The following ADCY3 variants were observed in gnomAD, a reference collection of about 807,000 sequenced individuals.
The protein encoded by ADCY3 is adenylate cyclase 3, also known as adenylate cyclase type 3.
Under a neutral mutation model 119.4 loss-of-function variants are expected in ADCY3, and 70 were observed. The ratio of observed to expected loss-of-function variants is 0.59; its 90% CI spans 0.48 to 0.72. The LOEUF is 0.72. ADCY3 is among the 30% of genes least tolerant of loss of function. The pLI is 0.00. For missense variants in ADCY3, 1,238 were observed against 1,541.6 expected, an observed-to-expected ratio of 0.80 and a Z score of 3.30; for synonymous variants, 672 against 621.4, an observed-to-expected ratio of 1.08 and a Z score of -1.21.
rs1670062956 is a variant in ADCY3, at chr2:24,834,740, C to CT, written c.1805+53dup. The CT allele has an allele frequency of 1.2e-6, 2 of 1,601,500 alleles. No individual in the cohort carries two copies. The highest frequency in any genetic ancestry group is 1.3e-5 in the African/African-American group (1 of 74,770). ...TTGGGATGCTCAGTTTCCTGAATCCCTTGTCAGGGCCCGGGAGGAGTGGTG... is the reference window on the plus strand; with the variant it reads ...TTGGGATGCTCAGTTTCCTGAATCCCTTTGTCAGGGCCCGGGAGGAGTGGTG... On this transcript the variant is annotated intron_variant, in intron 10 of 21. Coordinates refer to ENST00000679454, the MANE Select transcript of ADCY3 (RefSeq NM_004036.5). This position sits in a 1 kb window ranked among gnomAD's most constrained non-coding sequence, Gnocchi z 4.2.
At chr2:24,869,854 AG>A (rs994143381) in intron 3 of ADCY3, among the ~76,000 whole-genome samples, 10 of 152,338 alleles carry the variant, frequency 6.6e-5, no homozygotes, top group Admixed American at 2.0e-4. Context: ...GCACATGGAA[AG>A]GAAGGAAAAT....
Position 24,839,952 on chromosome 2 carries a change from C to G in ADCY3, c.1276G>C (p.Gly426Arg). ...HTGTVLGGVLGQKRWQYDVWS... is the reference protein window; with the variant it reads ...HTGTVLGGVLRQKRWQYDVWS... ...ACGTCGTACTGCCAGCGCTTCTGGC[C>G]CAGGACGCCCCCCAGCACGGTGCCC... Residue 426 changes from glycine (G) to arginine (R), a missense_variant, in exon 7 of 22, where the codon GGC (glycine) becomes CGC (arginine). Physicochemically the swap from Gly to Arg is moderately radical, Grantham distance 125 (BLOSUM62 -2). Around this residue, in one of 7 missense-constraint regions of ADCY3, gnomAD observed 283 missense variants for 437.2 expected, o/e 0.65. Coordinates refer to ENST00000679454, the MANE Select transcript of ADCY3 (RefSeq NM_004036.5). 1 of 1,613,866 alleles carries G rather than the reference C, an allele frequency of 6.2e-7. No homozygotes were observed. The highest frequency in any genetic ancestry group is 8.5e-7 in the Non-Finnish European group (1 of 1,180,022).
At chr2:24,862,851 A>G (rs906368547) in intron 3 of ADCY3, among the ~76,000 whole-genome samples, 16 of 152,288 alleles carry the variant, frequency 1.1e-4, no homozygotes, top group African/African-American at 2.6e-4. Flanking sequence ...CTACTTTTCT[A>G]TATCTTCAAA....
At chr2:24,863,548 C>T (rs1673935657) in intron 3 of ADCY3, among the ~76,000 whole-genome samples, 1 of 152,170 alleles carries the variant, frequency 6.6e-6, no homozygotes, top group African/African-American at 2.4e-5. Context: ...CCTAATACAG[C>T]CTCTATCAGT....
Position 24,834,426 on chromosome 2 carries a change from C to T in ADCY3, c.1967+59G>A. The T allele has an allele frequency of 2.8e-6, 3 of 1,055,274 alleles. No individual in the cohort carries two copies. Among genetic ancestry groups the T allele is most frequent in the African/African-American group, 1.7e-5 (1 of 58,712 alleles). The allele number at this position is 1,055,274 out of a possible 1,614,324, so 65.4% of individuals were successfully genotyped here. A position where few individuals can be genotyped will look rare whatever the true frequency, so the allele number is the denominator to read the frequency against. On this transcript the variant is annotated intron_variant, in intron 11 of 21. Coordinates refer to ENST00000679454, the MANE Select transcript of ADCY3 (RefSeq NM_004036.5). This position sits in a 1 kb window ranked among gnomAD's most constrained non-coding sequence, Gnocchi z 4.2. ...TCCCGCTGAGACACCTGCCCCCGCC[C>T]CCCGCCCGGCACCACCGCAGCCGAG...
Position 24,901,507 on chromosome 2 carries a change from G to A in ADCY3, c.675+16806C>T, listed in dbSNP as rs146044899. Reference sequence around the variant, plus strand: ...GAAATTGCTGTTGAATTCAAGGTAGGCAAGACAGTAACAATTTGGCCAAAA... The same window carrying A: ...GAAATTGCTGTTGAATTCAAGGTAGACAAGACAGTAACAATTTGGCCAAAA... On this transcript the variant is annotated intron_variant, in intron 2 of 21. Coordinates refer to ENST00000679454, the MANE Select transcript of ADCY3 (RefSeq NM_004036.5). 5.2e-4 allele frequency among the ~76,000 whole-genome samples: 79 copies of A among 152,288 alleles called. No individual in the cohort carries two copies. The East Asian group carries it at 0.011, about 21-fold the overall frequency.
rs1037666380 is a variant in ADCY3, at chr2:24,827,557, A to G, written c.2484T>C (p.Asn828=). ...GCCGTGGCCCTTACCTGTCAGTGCC[A>G]TTGAGCCCAGGGTTGAATCCTTGCA... The part of the protein sequence containing the change: ...EQMQGFNPGL[N]GTDRLPLVPS... Residue 828 remains asparagine (N), a synonymous_variant, in exon 15 of 22, where the codon AAT becomes AAC. Coordinates refer to ENST00000679454, the MANE Select transcript of ADCY3 (RefSeq NM_004036.5). The G allele has an allele frequency of 3.5e-5, 56 of 1,587,644 alleles. No individual in the cohort carries two copies. The highest frequency in any genetic ancestry group is 4.2e-5 in the Non-Finnish European group (49 of 1,164,050).
At chr2:24,875,860 T>C (rs1455586296) in intron 2 of ADCY3, among the ~76,000 whole-genome samples, 1 of 152,192 alleles carries the variant, frequency 6.6e-6, no homozygotes, top group Non-Finnish European at 1.5e-5. Flanking sequence ...AACTAGAGGG[T>C]GAGATCTCCT....
chr2:24,846,875 G>T (rs1409856444), intron 3 of ADCY3, among the ~76,000 whole-genome samples: 2 of 152,180 alleles, frequency 1.3e-5, no homozygotes, highest in African/African-American at 2.4e-5. Context: ...CATCATGTCT[G>T]GCCGCTTGCT....
rs1206199288 is a variant in ADCY3 at position 24,820,813 on chromosome 2, C to T, written c.3163G>A (p.Gly1055Arg). 2.5e-6 allele frequency: 4 copies of T among 1,614,044 alleles called. No homozygotes were observed. The highest frequency in any genetic ancestry group is 1.1e-5 in the South Asian group (1 of 91,074). ...NKGGVLAGVI[G>R]ARKPHYDIWG... ...ATGTCGTAGTGTGGTTTCCGGGCTC[C>T]GATGACCCCAGCCAGAACCCCGCCT... Residue 1055 changes from glycine to arginine, a missense_variant, in exon 21 of 22, where the codon GGA (glycine) becomes AGA (arginine). Coordinates refer to ENST00000679454, the MANE Select transcript of ADCY3 (RefSeq NM_004036.5).
chr2:24,830,991 G>C (rs1669413793), intron 12 of ADCY3, among the ~76,000 whole-genome samples, 166 bp from the exon 13 acceptor site: 1 of 152,190 alleles, frequency 6.6e-6, no homozygotes, highest in South Asian at 2.1e-4. Context: ...GCTGAGAAGA[G>C]GGCGTGGGAG....
chr2:24,821,143 A>AC (rs549700415), intron 20 of ADCY3: 4 of 434,372 alleles, frequency 9.2e-6, no homozygotes, highest in African/African-American at 2.0e-5. Context: ...CAGGAATGAT[A>AC]CCCCCTCAGT....
rs1667699442 is a variant in ADCY3 at position 24,821,464 on chromosome 2, C to A, written c.3127+53G>T. On this transcript the variant is annotated intron_variant, in intron 20 of 21. Transcript: ENST00000679454. Reference sequence around the variant, plus strand: ...ATGTCTCTCCTGGTGGTGGGCCAGGCCCCTGCATGGGAAGGGAGCCTGCTG... The same window carrying A: ...ATGTCTCTCCTGGTGGTGGGCCAGGACCCTGCATGGGAAGGGAGCCTGCTG... 2.5e-5 allele frequency: 40 copies of A among 1,601,868 alleles called. 1 individual carries two copies. The South Asian group carries it at 4.0e-4, about 16-fold the overall frequency.
chr2:24,828,059 C>T lies in ADCY3; in HGVS notation c.2275G>A (p.Val759Met), dbSNP rs754839662. ...ATGATGGTGGCGATGAGGGACAGCACGGCCACATAGTTGTAATACTTGGGG... is the reference window on the plus strand; with the variant it reads ...ATGATGGTGGCGATGAGGGACAGCATGGCCACATAGTTGTAATACTTGGGG... ...ENPKYYNYVA[V>M]LSLIATIMLV... Residue 759 changes from valine to methionine, a missense_variant, in exon 14 of 22, where the codon GTG becomes ATG. Physicochemically the swap from Val to Met is conservative, Grantham distance 21 (BLOSUM62 1). Around this residue, in one of 7 missense-constraint regions of ADCY3, gnomAD observed 499 missense variants for 571.0 expected, o/e 0.87. Coordinates refer to ENST00000679454, the MANE Select transcript of ADCY3 (RefSeq NM_004036.5). 1.5e-5 allele frequency: 24 copies of T among 1,614,108 alleles called. No homozygotes were observed. The highest frequency in any genetic ancestry group is 1.6e-4 in the Middle Eastern group (1 of 6,082).
At chr2:24,827,780 C>T (rs1558408899) in intron 14 of ADCY3, 122 bp downstream of exon 14, 1 of 1,495,514 alleles carries the variant, frequency 6.7e-7, no homozygotes, top group Non-Finnish European at 9.1e-7. Context: ...GGTTCTTGAA[C>T]AAGCCTTTGA....
intron 2 of ADCY3, among the ~76,000 whole-genome samples, chr2:24,874,689 G>A (rs1339116777): frequency 1.3e-5 from 2 of 152,192 alleles, no homozygotes; most frequent in African/African-American, 4.8e-5. Flanking sequence ...GGAGCTTTGA[G>A]GGGAGCTGAT....
In ADCY3 at chr2:24,838,450, C is replaced by T; in HGVS notation, c.1528G>A (p.Gly510Ser). The T allele has an allele frequency of 1.2e-6, 2 of 1,612,444 alleles. No individual in the cohort carries two copies. The highest frequency in any genetic ancestry group is 1.7e-6 in the Non-Finnish European group (2 of 1,179,890). Residue 510 changes from glycine to serine, a missense_variant, in exon 8 of 22, where the codon GGC becomes AGC. Physicochemically the swap from Gly to Ser is moderately conservative, Grantham distance 56. Transcript: ENST00000679454. ...GGGTGGGGTGGGGAACTCACCGAGC[C>T]ATTGAGGCCATTCTGGGTGGCTGTT... is the stretch of plus-strand genomic sequence containing the variant. ...KKTATQNGLNGSALPNGAPAS... is the reference protein window; with the variant it reads ...KKTATQNGLNSSALPNGAPAS...
chr2:24,880,753 C>T (rs1381614688), intron 2 of ADCY3, among the ~76,000 whole-genome samples: 3 of 152,172 alleles, frequency 2.0e-5, no homozygotes, highest in African/African-American at 4.8e-5. Flanking sequence ...TGGTGGCTCA[C>T]GCCTGTAATC....
In ADCY3 at chr2:24,872,522, C is replaced by T; in HGVS notation, c.825+48G>A. On this transcript the variant is annotated intron_variant, in intron 3 of 21. Coordinates refer to ENST00000679454, the MANE Select transcript of ADCY3 (RefSeq NM_004036.5). The surrounding 1 kb of genome is among the most constrained non-coding windows in gnomAD (Gnocchi z 4.4). The stretch of plus-strand genomic sequence containing the variant: ...GGTTCCTCTCCCTCTGACAAGGCCA[C>T]AGTCCCTGAGCCCAAGCTCCAGGCC... 1 of 1,593,402 alleles carries T rather than the reference C, an allele frequency of 6.3e-7. No individual in the cohort carries two copies. The highest frequency in any genetic ancestry group is 8.6e-7 in the Non-Finnish European group (1 of 1,169,126).
Sources: gnomAD v4.1 joint callset for allele counts (sites outside exome capture counted in the v4.1 genomes callset) on GRCh38, gnomAD v4.1.1 for gene constraint, gnomAD v4.1.1 regional missense constraint, Gnocchi (gnomAD v3.1) non-coding constraint, MANE v1.5 for transcripts, NCBI Gene and HGNC (gene_info 2026-07-23, HGNC 2026-07-21) for gene names.